HECW1: variants seen among roughly 807,000 people sequenced by gnomAD.
HECW1 encodes E3 ubiquitin-protein ligase HECW1.
HECW1 carries 61 observed loss-of-function variants against 182.3 expected under a neutral mutation model. That is an observed-to-expected ratio of 0.33 (90% CI 0.27 to 0.41). The LOEUF (loss-of-function observed/expected upper bound fraction) is 0.41. Among genes scored for constraint, HECW1 ranks in the 10% least tolerant of loss-of-function variants. HECW1 has a pLI of 1.00. For missense variants in HECW1, 1,739 were observed against 2,108.9 expected (o/e 0.82, Z 3.44); for synonymous variants, 859 against 832.6 (o/e 1.03, Z -0.55).
chr7:43,309,714 G>T (rs1023443421), intron 3 of HECW1, among the ~76,000 whole-genome samples: 1 of 152,194 alleles, frequency 6.6e-6, no homozygotes, highest in African/African-American at 2.4e-5. Context: ...ACTAGGCTGT[G>T]TAACCCTTGG....
intron 8 of HECW1, among the ~76,000 whole-genome samples, chr7:43,419,512 T>A (rs1447975593): frequency 2.0e-5 from 3 of 152,206 alleles, no homozygotes; most frequent in Non-Finnish European, 1.5e-5. Flanking sequence ...TTAAATGTTG[T>A]CTTCTGTGCT....
intron 12 of HECW1, among the ~76,000 whole-genome samples, chr7:43,455,698 CCAT>C (rs2077378139): frequency 6.6e-6 from 1 of 152,164 alleles, no homozygotes; most frequent in Non-Finnish European, 1.5e-5. Context: ...ATTCGTCACA[CCAT>C]CACACCATCA....
intron 2 of HECW1, among the ~76,000 whole-genome samples, chr7:43,154,646 C>T (rs1483713877): frequency 6.6e-6 from 1 of 151,994 alleles, no homozygotes; most frequent in Admixed American, 6.6e-5. Flanking sequence ...AATTTTTGCC[C>T]CTAGCATCCT....
chr7:43,208,197 T>C (rs1795666330), intron 2 of HECW1, among the ~76,000 whole-genome samples: 1 of 152,206 alleles, frequency 6.6e-6, no homozygotes, highest in Non-Finnish European at 1.5e-5. Context: ...TGAGTGATTT[T>C]CTCAAATCTT....
chr7:43,480,017 G>A (rs10225160), intron 17 of HECW1, among the ~76,000 whole-genome samples: 1 of 152,108 alleles, frequency 6.6e-6, no homozygotes, highest in South Asian at 2.1e-4. Context: ...AAAATGCACT[G>A]TCAGGAGATC....
intron 3 of HECW1, among the ~76,000 whole-genome samples, chr7:43,303,438 G>A (rs1220425100): frequency 1.3e-5 from 2 of 151,170 alleles, no homozygotes; most frequent in South Asian, 2.1e-4. Context: ...GAGCGATAAG[G>A]CATTATGTGT....
At chr7:43,119,868 C>T (rs888390202) in intron 2 of HECW1, among the ~76,000 whole-genome samples, 12 of 152,194 alleles carry the variant, frequency 7.9e-5, no homozygotes, top group African/African-American at 2.9e-4. Context: ...CAGCCATCCC[C>T]GTCTAAGCGC....
At chr7:43,305,872 T>G (rs1466748032) in intron 3 of HECW1, among the ~76,000 whole-genome samples, 1 of 152,158 alleles carries the variant, frequency 6.6e-6, no homozygotes, top group Admixed American at 6.5e-5. Context: ...GTGATTCTCC[T>G]GCCTCAGCCT....
intron 6 of HECW1, among the ~76,000 whole-genome samples, chr7:43,368,769 A>G (rs1019617980): frequency 4.6e-5 from 7 of 152,114 alleles, no homozygotes; most frequent in South Asian, 2.1e-4. Context: ...CCCACCAGCT[A>G]TGGTTCAGCT....
At chr7:43,517,848 G>T (rs997707527) in intron 24 of HECW1, among the ~76,000 whole-genome samples, 1 of 152,192 alleles carries the variant, frequency 6.6e-6, no homozygotes, top group Non-Finnish European at 1.5e-5. Flanking sequence ...GCAAAAGTTA[G>T]ATGAGAAGTC....
intron 4 of HECW1, 103 bp downstream of exon 4, chr7:43,312,190 T>C (rs1808617903): frequency 1.9e-6 from 2 of 1,077,154 alleles, no homozygotes; most frequent in Non-Finnish European, 2.7e-6. Context: ...AGCAACTGTG[T>C]TATATGCCAG....
intron 2 of HECW1, among the ~76,000 whole-genome samples, chr7:43,215,866 T>C (rs1164972471): frequency 6.6e-6 from 1 of 152,214 alleles, no homozygotes; most frequent in Non-Finnish European, 1.5e-5. Context: ...TGTGCCTCTC[T>C]CTGTAGCTTT....
intron 16 of HECW1, 50 bp downstream of exon 16, chr7:43,469,155 G>C: frequency 6.3e-7 from 1 of 1,577,276 alleles, no homozygotes; most frequent in East Asian, 2.2e-5. Context: ...TCCTTCCCCA[G>C]GGTGAAGCTA....
At chr7:43,187,185 C>A (rs1233367746) in intron 2 of HECW1, among the ~76,000 whole-genome samples, 1 of 152,226 alleles carries the variant, frequency 6.6e-6, no homozygotes, top group Non-Finnish European at 1.5e-5. Context: ...GTTGCCCTCA[C>A]AACATGGCAG....
intron 17 of HECW1, among the ~76,000 whole-genome samples, chr7:43,488,428 A>AAGAAAG (rs1195788725): frequency 9.3e-6 from 1 of 108,034 alleles, no homozygotes; most frequent in African/African-American, 3.7e-5. Context: ...GAGAGAAAGA[A>AAGAAAG]AGAAAGAGAA....
At chr7:43,414,611 T>A (rs1290814019) in intron 8 of HECW1, among the ~76,000 whole-genome samples, 5 of 151,884 alleles carry the variant, frequency 3.3e-5, no homozygotes, top group Non-Finnish European at 7.4e-5. Flanking sequence ...ACAGCTCTTA[T>A]TATTTTGAAA....
intron 2 of HECW1, chr7:43,194,454 G>C (rs1043721803): frequency 2.6e-5 from 4 of 152,102 alleles, no homozygotes; most frequent in African/African-American, 9.7e-5. Flanking sequence ...TTGTCTAGCA[G>C]GTTTTCCAGT....
At chr7:43,133,391 T>C (rs1263278216) in intron 2 of HECW1, among the ~76,000 whole-genome samples, 1 of 152,072 alleles carries the variant, frequency 6.6e-6, no homozygotes. Flanking sequence ...GAAAATCTCC[T>C]TGGGCTTTAT....
chr7:43,141,507 GT>G (rs796935088), intron 2 of HECW1, among the ~76,000 whole-genome samples: 172 of 149,392 alleles, frequency 1.2e-3, no homozygotes, highest in Admixed American at 4.0e-3. Flanking sequence ...TTTGGATTTT[GT>G]TTTTTTTTTA....
Sources: allele counts gnomAD v4.1 joint callset (sites outside exome capture counted in the v4.1 genomes callset), GRCh38; gene constraint gnomAD v4.1.1; transcripts MANE v1.5; gene names NCBI Gene and HGNC (gene_info 2026-07-23, HGNC 2026-07-21).